CALD1: variants seen among roughly 807,000 people sequenced by gnomAD.
The protein encoded by CALD1 is caldesmon 1.
In CALD1, 33 loss-of-function variants were observed where a neutral mutation model predicts 99.9. That is an observed-to-expected ratio of 0.33 (90% CI 0.25 to 0.44). The LOEUF is 0.44. CALD1 is among the 20% of genes least tolerant of loss of function. The pLI is 1.00. For missense variants in CALD1, 861 were observed against 962.1 expected, an observed-to-expected ratio of 0.89 and a Z score of 1.39; for synonymous variants, 310 against 325.0, an observed-to-expected ratio of 0.95 and a Z score of 0.50.
chr7:134,874,329 C>T (rs28674970), intron 3 of CALD1, among the ~76,000 whole-genome samples: 5,027 of 151,832 alleles, frequency 0.033, 256 homozygotes, highest in African/African-American at 0.11. Context: ...AGTAGGCACA[C>T]GCCACCACAC....
chr7:134,949,837 G>C (rs1231802073), intron 8 of CALD1, among the ~76,000 whole-genome samples: 5 of 151,828 alleles, frequency 3.3e-5, no homozygotes, highest in Non-Finnish European at 5.9e-5. Flanking sequence ...GGCTTCCCTG[G>C]GTCACATTGG....
intron 1 of CALD1, among the ~76,000 whole-genome samples, chr7:134,767,176 ACTCT>A (rs925864818): frequency 9.5e-4 from 137 of 143,640 alleles, no homozygotes; most frequent in African/African-American, 3.1e-3. Context: ...GTGTACACAC[ACTCT>A]CTCTCTCTCT....
At chr7:134,779,555 A>G (rs923436832), upstream of CALD1, 2 of 397,224 alleles carry the variant, frequency 5.0e-6, no homozygotes, top group Admixed American at 4.4e-5. Context: ...GACTGTAAAC[A>G]TAGGGGATAT....
intron 6 of CALD1, among the ~76,000 whole-genome samples, chr7:134,936,549 CT>C (rs1157925532): frequency 1.3e-5 from 2 of 152,212 alleles, no homozygotes; most frequent in Non-Finnish European, 2.9e-5. Flanking sequence ...ACCCGAAGTT[CT>C]TCGCCTATGA....
At chr7:134,791,882 A>G (rs1160111418) in intron 1 of CALD1, among the ~76,000 whole-genome samples, 1 of 152,174 alleles carries the variant, frequency 6.6e-6, no homozygotes, top group Non-Finnish European at 1.5e-5. Context: ...CACAAATTAC[A>G]TGGTGACAGG....
intron 2 of CALD1, among the ~76,000 whole-genome samples, chr7:134,846,295 CCCT>C (rs3837075): frequency 0.12 from 18,149 of 152,176 alleles, 1,232 homozygotes; most frequent in South Asian, 0.19. Context: ...GCCCTGAACT[CCCT>C]CCTTTGTCCA....
chr7:134,711,726 G>GTGTCTCTC, the CALD1 span, among the ~76,000 whole-genome samples: 12 of 96,738 alleles, frequency 1.2e-4, no homozygotes, highest in Non-Finnish European at 2.3e-4. Context: ...GTGTGTGTGT[G>GTGTCTCTC]TCTCTCTCTC....
intron 1 of CALD1, among the ~76,000 whole-genome samples, chr7:134,787,902 C>T (rs1797369191): frequency 6.6e-6 from 1 of 152,124 alleles, no homozygotes; most frequent in Admixed American, 6.5e-5. Flanking sequence ...AGGGCAGGTG[C>T]TTCCGTGTGT....
chr7:134,820,557 A>G (rs1311591083), intron 1 of CALD1, among the ~76,000 whole-genome samples: 1 of 152,152 alleles, frequency 6.6e-6, no homozygotes, highest in Non-Finnish European at 1.5e-5. Flanking sequence ...GAGAAAAATC[A>G]TTTTCACTGT....
At chr7:134,931,671 G>A (rs1277968057) in intron 4 of CALD1, among the ~76,000 whole-genome samples, 1 of 152,190 alleles carries the variant, frequency 6.6e-6, no homozygotes, top group Non-Finnish European at 1.5e-5. Flanking sequence ...ATGACTGGTT[G>A]TTTCCTGCAA....
chr7:134,844,545 G>C (rs1325035181), intron 2 of CALD1, among the ~76,000 whole-genome samples: 1 of 152,170 alleles, frequency 6.6e-6, no homozygotes, highest in Non-Finnish European at 1.5e-5. Flanking sequence ...GGCTCCAGTA[G>C]GTAGAAAAGT....
chr7:134,886,977 A>T (rs1801885377), intron 3 of CALD1, among the ~76,000 whole-genome samples: 1 of 152,236 alleles, frequency 6.6e-6, no homozygotes, highest in Non-Finnish European at 1.5e-5. Flanking sequence ...AAGCAAAGCA[A>T]AAAGGAATGT....
At chr7:134,853,842 A>T (rs1800180438) in intron 2 of CALD1, among the ~76,000 whole-genome samples, 1 of 150,324 alleles carries the variant, frequency 6.7e-6, no homozygotes, top group Non-Finnish European at 1.5e-5. Context: ...ATTTCTCCTA[A>T]TGCCATCCCT....
chr7:134,935,960 T>A (rs1033790759), intron 6 of CALD1, among the ~76,000 whole-genome samples, 195 bp downstream of exon 6: 4 of 152,330 alleles, frequency 2.6e-5, no homozygotes, highest in Admixed American at 6.5e-5. Context: ...CAGCATTTTT[T>A]AAAAAATGAA....
Position 134,968,483 on chromosome 7 carries a change from A to G in CALD1, c.*138A>G. On this transcript the variant is annotated 3_prime_UTR_variant, in exon 15 of 15. Coordinates refer to ENST00000361675, the MANE Select transcript of CALD1 (RefSeq NM_033138.4). ...TATTTTTCAATATCCCAGTAAACCC[A>G]TGTATATTATCACTATATTTAATAA... 1 of 754,450 alleles carries G rather than the reference A, an allele frequency of 1.3e-6. No homozygotes were observed. The highest frequency in any genetic ancestry group is 2.0e-5 in the Admixed American group (1 of 49,994). The allele number at this position is 754,450 out of a possible 1,614,324, so 46.7% of individuals were successfully genotyped here.
chr7:134,769,070 T>C (rs918019298), intron 1 of CALD1, among the ~76,000 whole-genome samples: 11 of 150,764 alleles, frequency 7.3e-5, no homozygotes, highest in Non-Finnish European at 1.5e-4. Flanking sequence ...TTAGCTATTA[T>C]ATATTTTTAT....
intron 1 of CALD1, among the ~76,000 whole-genome samples, chr7:134,763,076 T>C (rs902614962): frequency 2.0e-5 from 3 of 152,244 alleles, no homozygotes; most frequent in Non-Finnish European, 2.9e-5. Flanking sequence ...TTTATCTATC[T>C]AATCTAACTA....
chr7:134,828,833 A>G (rs1422559736), intron 1 of CALD1, among the ~76,000 whole-genome samples: 1 of 152,236 alleles, frequency 6.6e-6, no homozygotes, highest in Non-Finnish European at 1.5e-5. Flanking sequence ...TCTGCTTTTC[A>G]TTTAGATTTA....
intron 14 of CALD1, 120 bp downstream of exon 14, chr7:134,965,506 T>A: frequency 1.5e-6 from 1 of 678,340 alleles, no homozygotes; most frequent in Non-Finnish European, 2.7e-6. Flanking sequence ...TGCACACCCA[T>A]CAGTGTCTAA....
Sources: gnomAD v4.1 joint callset for allele counts (sites outside exome capture counted in the v4.1 genomes callset) on GRCh38, gnomAD v4.1.1 for gene constraint, MANE v1.5 for transcripts, NCBI Gene and HGNC (gene_info 2026-07-23, HGNC 2026-07-21) for gene names.